MALRD1: variants seen among roughly 807,000 people sequenced by gnomAD.
MALRD1 encodes MAM and LDL-receptor class A domain-containing protein 1.
In MALRD1, 247 loss-of-function variants were observed where a neutral mutation model predicts 242.1. The observed-to-expected ratio is 1.02, with a 90% CI of 0.92 to 1.13. MALRD1 has a LOEUF of 1.13. Ranked by LOEUF, MALRD1 falls within the 50% of genes most tolerant of loss-of-function variation. MALRD1 has a pLI of 0.00. For missense variants in MALRD1, 2,989 were observed against 2,533.1 expected (o/e 1.18, Z -3.86); for synonymous variants, 995 against 866.6 (o/e 1.15, Z -2.60).
At chr10:19,586,247 A>G (rs1287340491) in intron 33 of MALRD1, among the ~76,000 whole-genome samples, 3 of 152,128 alleles carry the variant, frequency 2.0e-5, no homozygotes, top group Admixed American at 6.5e-5. Flanking sequence ...TTCTCCATCC[A>G]GCTTTGTTCT....
chr10:19,088,439 T>C (rs112744128), intron 4 of MALRD1, among the ~76,000 whole-genome samples: 14 of 151,880 alleles, frequency 9.2e-5, no homozygotes, highest in African/African-American at 3.1e-4. Context: ...CATACTAATA[T>C]ATCAGTAAAA....
intron 28 of MALRD1, among the ~76,000 whole-genome samples, chr10:19,392,551 C>T (rs1258552806): frequency 2.0e-5 from 3 of 152,102 alleles, no homozygotes; most frequent in South Asian, 2.1e-4. Flanking sequence ...AAAGCTATTG[C>T]TTTTGAGAAC....
At chr10:19,139,520 A>G (rs1406455317) in intron 10 of MALRD1, among the ~76,000 whole-genome samples, 4 of 152,198 alleles carry the variant, frequency 2.6e-5, no homozygotes, top group Non-Finnish European at 4.4e-5. Context: ...TACTTACCAA[A>G]TTCTGGAGAA....
intron 28 of MALRD1, among the ~76,000 whole-genome samples, chr10:19,424,370 G>C (rs1241105749): frequency 6.6e-6 from 1 of 152,128 alleles, no homozygotes; most frequent in Admixed American, 6.5e-5. Flanking sequence ...ATGTTGGCCA[G>C]TCTGGTCTCG....
At chr10:19,433,620 A>C (rs541867329) in intron 28 of MALRD1, among the ~76,000 whole-genome samples, 1 of 152,278 alleles carries the variant, frequency 6.6e-6, no homozygotes, top group East Asian at 1.9e-4. Context: ...AACTATATTG[A>C]AGATCTAGAG....
intron 18 of MALRD1, among the ~76,000 whole-genome samples, chr10:19,215,436 G>T (rs1837265623): frequency 6.6e-6 from 1 of 152,188 alleles, no homozygotes; most frequent in African/African-American, 2.4e-5. Flanking sequence ...AATTGATATG[G>T]ATGGTCTGTC....
rs186041366 is a variant in MALRD1 at position 19,148,820 on chromosome 10, G to A, written c.1558+2476G>A. 5.3e-4 allele frequency among the ~76,000 whole-genome samples: 69 copies of A among 130,950 alleles called. 1 individual carries two copies. The South Asian group carries it at 0.013, about 25-fold the overall frequency. 85.9% of individuals were successfully genotyped at this position (130,950 alleles called of 152,430 possible). A position where few individuals can be genotyped will look rare whatever the true frequency, so the allele number is the denominator to read the frequency against. On this transcript the variant is annotated intron_variant, in intron 11 of 39. Coordinates refer to ENST00000454679, the MANE Select transcript of MALRD1 (RefSeq NM_001142308.3). ...ATATATATATATATATCTGGATCAC[G>A]GAGTCAACATCTCTTTACCCATGAT... is the stretch of plus-strand genomic sequence containing the variant.
chr10:19,349,657 C>T (rs756695025), intron 25 of MALRD1, among the ~76,000 whole-genome samples: 45 of 152,256 alleles, frequency 3.0e-4, no homozygotes, highest in South Asian at 4.1e-4. Flanking sequence ...GAATAAAACC[C>T]AAGCACACCA....
chr10:19,556,741 A>G (rs1835736505), intron 32 of MALRD1, among the ~76,000 whole-genome samples: 1 of 152,174 alleles, frequency 6.6e-6, no homozygotes, highest in Admixed American at 6.6e-5. Flanking sequence ...CATTTAGTGT[A>G]GACATAAACA....
intron 1 of MALRD1, among the ~76,000 whole-genome samples, chr10:19,050,083 C>CTTTTT (rs34692209): frequency 1.5e-4 from 14 of 90,578 alleles, no homozygotes; most frequent in African/African-American, 2.8e-4. Flanking sequence ...CATATGTCTT[C>CTTTTT]TTTTTTTTTT....
chr10:19,591,321 T>A (rs1837770414), intron 33 of MALRD1, among the ~76,000 whole-genome samples: 1 of 152,152 alleles, frequency 6.6e-6, no homozygotes, highest in South Asian at 2.1e-4. Flanking sequence ...ATAAATCAAC[T>A]GCAAACTGCA....
intron 32 of MALRD1, among the ~76,000 whole-genome samples, chr10:19,535,333 A>G (rs1057025834): frequency 6.6e-6 from 1 of 152,152 alleles, no homozygotes; most frequent in Middle Eastern, 3.2e-3. Context: ...AGTGATAAAA[A>G]GAAATGTTTA....
intron 32 of MALRD1, among the ~76,000 whole-genome samples, chr10:19,539,917 CACACGCGCAGTG>C (rs1230126028): frequency 0.029 from 1,428 of 49,858 alleles, 30 homozygotes; most frequent in South Asian, 0.12. Flanking sequence ...CGTGCGCGCA[CACACGCGCAGTG>C]ATGGGGTTTT....
chr10:19,702,404 A>G (rs1240762714), intron 38 of MALRD1, among the ~76,000 whole-genome samples: 1 of 152,128 alleles, frequency 6.6e-6, no homozygotes, highest in African/African-American at 2.4e-5. Context: ...ATTTCCTGCC[A>G]TCCTGTCAGG....
rs78779320 is a variant in MALRD1 at position 19,591,019 on chromosome 10, C to A, written c.5681-4175C>A. Among the ~76,000 whole-genome samples, 398 of 152,264 alleles carry A rather than the reference C, an allele frequency of 2.6e-3. 7 individuals carry two copies. The East Asian group carries it at 0.059, about 23-fold the overall frequency. On this transcript the variant is annotated intron_variant, in intron 33 of 39. Coordinates refer to ENST00000454679, the MANE Select transcript of MALRD1 (RefSeq NM_001142308.3). ...AATATGACACATACAGTTAGTTTCA[C>A]CGCCCTAAAAATCTCCTGTGCTCTA...
intron 38 of MALRD1, among the ~76,000 whole-genome samples, chr10:19,725,275 C>T (rs1834969019): frequency 6.6e-6 from 1 of 152,054 alleles, no homozygotes; most frequent in Non-Finnish European, 1.5e-5. Flanking sequence ...GGGTGGTTAC[C>T]CTCATGCTGC....
chr10:19,137,621 A>AC (rs1234975776), intron 10 of MALRD1, among the ~76,000 whole-genome samples: 343 of 148,188 alleles, frequency 2.3e-3, no homozygotes, highest in East Asian at 5.3e-3. Context: ...AAAAAAAAAA[A>AC]AAAAAAAAAA....
chr10:19,425,347 C>T (rs1249239388), intron 28 of MALRD1, among the ~76,000 whole-genome samples: 3 of 152,100 alleles, frequency 2.0e-5, no homozygotes, highest in African/African-American at 7.2e-5. Context: ...ATCAGTGAGT[C>T]AGCCCTGTGG....
chr10:19,279,468 T>C (rs574310663), intron 19 of MALRD1, among the ~76,000 whole-genome samples: 1 of 152,336 alleles, frequency 6.6e-6, no homozygotes, highest in Admixed American at 6.5e-5. Flanking sequence ...TATCAATACA[T>C]GTTTATTGAA....
Sources: gnomAD v4.1 joint callset for allele counts (sites outside exome capture counted in the v4.1 genomes callset) on GRCh38, gnomAD v4.1.1 for gene constraint, MANE v1.5 for transcripts, NCBI Gene and HGNC (gene_info 2026-07-23, HGNC 2026-07-21) for gene names.